The following GRIP1 variants were observed in gnomAD, a reference collection of about 807,000 sequenced individuals.
The protein encoded by GRIP1 is glutamate receptor-interacting protein 1.
Under a neutral mutation model 129.9 loss-of-function variants are expected in GRIP1, and 45 were observed. That is an observed-to-expected ratio of 0.35 (90% CI 0.27 to 0.44). GRIP1 has a LOEUF of 0.44. GRIP1 is among the 20% of genes least tolerant of loss of function. GRIP1 has a pLI of 1.00. For missense variants in GRIP1, 1,196 were observed against 1,396.8 expected (o/e 0.86, Z 2.29); for synonymous variants, 530 against 520.8 (o/e 1.02, Z -0.24).
At chr12:66,623,048 T>C (rs1259751151) in intron 1 of GRIP1, among the ~76,000 whole-genome samples, 1 of 152,160 alleles carries the variant, frequency 6.6e-6, no homozygotes, top group Non-Finnish European at 1.5e-5. Flanking sequence ...ATCCTCAGTA[T>C]CTAGAATACT....
intron 1 of GRIP1, among the ~76,000 whole-genome samples, chr12:67,068,039 C>T (rs1178284495): frequency 1.3e-5 from 2 of 152,176 alleles, no homozygotes; most frequent in East Asian, 1.9e-4. Flanking sequence ...CCTTGCCAGC[C>T]AGCGTTCCTC....
chr12:66,649,898 CTA>C, intron 1 of GRIP1, among the ~76,000 whole-genome samples: 1 of 152,274 alleles, frequency 6.6e-6, no homozygotes, highest in South Asian at 2.1e-4. Context: ...GCTAGAAATT[CTA>C]TGTTATGAAC....
intron 16 of GRIP1, among the ~76,000 whole-genome samples, chr12:66,405,874 T>G (rs1034753615): frequency 6.6e-6 from 1 of 152,180 alleles, no homozygotes; most frequent in Non-Finnish European, 1.5e-5. Flanking sequence ...TCAATAAAAA[T>G]GATAGATATT....
chr12:66,453,346 C>T (rs1183968622), intron 11 of GRIP1, among the ~76,000 whole-genome samples: 1 of 152,182 alleles, frequency 6.6e-6, no homozygotes, highest in East Asian at 1.9e-4. Context: ...CTCTTCCCTG[C>T]TGAGTGCTGT....
chr12:66,887,137 G>A (rs1033288601), intron 1 of GRIP1, among the ~76,000 whole-genome samples: 9 of 152,332 alleles, frequency 5.9e-5, no homozygotes, highest in East Asian at 3.9e-4. Flanking sequence ...TGCTAACTGC[G>A]TCAGTGTAGG....
chr12:66,912,014 A>T (rs1382988159), intron 1 of GRIP1, among the ~76,000 whole-genome samples: 1 of 152,216 alleles, frequency 6.6e-6, no homozygotes, highest in Non-Finnish European at 1.5e-5. Context: ...AAATAAAATA[A>T]TATTACCTAC....
At chr12:67,059,307 T>C (rs2043491498) in intron 1 of GRIP1, among the ~76,000 whole-genome samples, 1 of 152,100 alleles carries the variant, frequency 6.6e-6, no homozygotes, top group African/African-American at 2.4e-5. Flanking sequence ...CTAGACACAA[T>C]GGTGAGGTCC....
intron 1 of GRIP1, among the ~76,000 whole-genome samples, chr12:66,794,976 A>T (rs1166328012): frequency 6.6e-6 from 1 of 152,188 alleles, no homozygotes; most frequent in African/African-American, 2.4e-5. Flanking sequence ...GAAATTTACA[A>T]CCAACTGCTG....
chr12:66,699,782 T>A (rs149810507), intron 1 of GRIP1, among the ~76,000 whole-genome samples: 175 of 152,322 alleles, frequency 1.1e-3, no homozygotes, highest in African/African-American at 4.0e-3. Context: ...AAGGGCTGAA[T>A]GGCACATCCT....
chr12:67,051,919 T>C (rs2043352490), intron 1 of GRIP1, among the ~76,000 whole-genome samples: 1 of 152,230 alleles, frequency 6.6e-6, no homozygotes, highest in Non-Finnish European at 1.5e-5. Flanking sequence ...TAACATATAT[T>C]GAAAGCCTCA....
At chr12:66,856,478 C>CA (rs1232886444) in intron 1 of GRIP1, among the ~76,000 whole-genome samples, 2 of 152,024 alleles carry the variant, frequency 1.3e-5, no homozygotes, top group South Asian at 4.1e-4. Flanking sequence ...ACTCATCTGA[C>CA]AAAGGGCTAA....
intron 1 of GRIP1, among the ~76,000 whole-genome samples, chr12:66,842,020 C>G (rs1052146765): frequency 5.3e-5 from 8 of 152,130 alleles, no homozygotes; most frequent in Non-Finnish European, 1.5e-5. Flanking sequence ...ACCCTTGCCC[C>G]TATGCCCTCC....
At chr12:66,787,247 A>G (rs1296028479) in intron 1 of GRIP1, among the ~76,000 whole-genome samples, 2 of 152,180 alleles carry the variant, frequency 1.3e-5, no homozygotes, top group Non-Finnish European at 2.9e-5. Flanking sequence ...TTCTACTAAC[A>G]ATTAAAGGTT....
intron 9 of GRIP1, among the ~76,000 whole-genome samples, chr12:66,458,435 A>G (rs2059032842): frequency 6.6e-6 from 1 of 152,094 alleles, no homozygotes. Context: ...CTCAGGATGG[A>G]GTGCAATGGT....
At chr12:66,840,063 T>C (rs1233250136) in intron 1 of GRIP1, among the ~76,000 whole-genome samples, 1 of 152,196 alleles carries the variant, frequency 6.6e-6, no homozygotes, top group Non-Finnish European at 1.5e-5. Context: ...CACTGCTGTT[T>C]CATGGTTTAG....
At chr12:66,926,365 C>A (rs2041296205) in intron 1 of GRIP1, among the ~76,000 whole-genome samples, 1 of 152,212 alleles carries the variant, frequency 6.6e-6, no homozygotes, top group Admixed American at 6.5e-5. Context: ...ACCCCCATAG[C>A]TCGAAGCTAG....
intron 1 of GRIP1, among the ~76,000 whole-genome samples, chr12:66,850,917 C>T (rs1319974466): frequency 1.3e-5 from 2 of 149,350 alleles, no homozygotes; most frequent in African/African-American, 2.5e-5. Flanking sequence ...CCTCGTTTAA[C>T]ATCTCTGAGC....
At chr12:66,903,891 A>G (rs11176484) in intron 1 of GRIP1, among the ~76,000 whole-genome samples, 39,483 of 152,090 alleles carry the variant, frequency 0.26, 5,534 homozygotes, top group East Asian at 0.45. Context: ...AGGAAGAGAG[A>G]TGGAAGTTAA....
At chr12:66,663,631 T>G (rs1046817040) in intron 1 of GRIP1, among the ~76,000 whole-genome samples, 3 of 152,158 alleles carry the variant, frequency 2.0e-5, no homozygotes, top group African/African-American at 7.2e-5. Context: ...TGTAGTTTAT[T>G]TCTGTGCAGA....
Sources: allele counts gnomAD v4.1 joint callset (sites outside exome capture counted in the v4.1 genomes callset), GRCh38; gene constraint gnomAD v4.1.1; transcripts MANE v1.5; gene names NCBI Gene and HGNC (gene_info 2026-07-23, HGNC 2026-07-21).